Variants in ASIC2 observed in about 807,000 individuals in gnomAD.
ASIC2 encodes acid sensing ion channel subunit 2.
Under a neutral mutation model 57.3 loss-of-function variants are expected in ASIC2, and 25 were observed. The ratio of observed to expected loss-of-function variants is 0.44; its 90% CI spans 0.32 to 0.61. ASIC2 has a LOEUF of 0.61. ASIC2 is among the 20% of genes least tolerant of loss of function. The probability of loss-of-function intolerance (pLI) is 0.06; values close to 1 mark genes in which losing one functional copy is unlikely to be tolerated. For synonymous variants in ASIC2, 319 were observed against 307.5 expected, an observed-to-expected ratio of 1.04 and a Z score of -0.39; for missense variants, 641 against 738.1, an observed-to-expected ratio of 0.87 and a Z score of 1.52.
At chr17:33,857,751 T>A (rs536884898) in intron 1 of ASIC2, among the ~76,000 whole-genome samples, 1 of 152,322 alleles carries the variant, frequency 6.6e-6, no homozygotes, top group East Asian at 1.9e-4. Context: ...CAATAATCTA[T>A]CCTCTGTGAT....
intron 1 of ASIC2, among the ~76,000 whole-genome samples, chr17:33,769,162 G>A (rs1432538716): frequency 6.6e-6 from 1 of 152,226 alleles, no homozygotes; most frequent in African/African-American, 2.4e-5. Flanking sequence ...CATGTGATGG[G>A]ACCAGGGGCC....
At chr17:33,830,971 A>G (rs10468593) in intron 1 of ASIC2, among the ~76,000 whole-genome samples, 120,293 of 151,396 alleles carry the variant, frequency 0.79, 48,149 homozygotes, top group African/African-American at 0.85. Context: ...TTAGCAAGGC[A>G]TGATGGCATG....
chr17:34,031,528 T>C (rs1907611442), intron 1 of ASIC2, among the ~76,000 whole-genome samples: 1 of 151,928 alleles, frequency 6.6e-6, no homozygotes, highest in Non-Finnish European at 1.5e-5. Flanking sequence ...CTTTGACGAG[T>C]TGAGAGAAGA....
intron 1 of ASIC2, among the ~76,000 whole-genome samples, chr17:33,536,108 T>C (rs1205955009): frequency 6.6e-6 from 1 of 152,244 alleles, no homozygotes; most frequent in Non-Finnish European, 1.5e-5. Flanking sequence ...AGTGTGTTGG[T>C]ATTTTTTTCC....
intron 1 of ASIC2, among the ~76,000 whole-genome samples, chr17:33,340,882 C>A (rs554554299): frequency 6.6e-6 from 1 of 152,204 alleles, no homozygotes; most frequent in Admixed American, 6.5e-5. Flanking sequence ...TAGGGAGGAA[C>A]TCACTCTCAG....
chr17:33,771,487 T>G (rs1437049131), intron 1 of ASIC2, among the ~76,000 whole-genome samples: 1 of 152,206 alleles, frequency 6.6e-6, no homozygotes, highest in Non-Finnish European at 1.5e-5. Context: ...TGCTGTTTTT[T>G]AAGCCTGTGC....
chr17:33,407,468 A>G (rs1479705476), intron 1 of ASIC2, among the ~76,000 whole-genome samples: 1 of 152,176 alleles, frequency 6.6e-6, no homozygotes, highest in African/African-American at 2.4e-5. Flanking sequence ...TTCAAGTGCT[A>G]TATTTTCTTC....
At chr17:33,473,627 G>C (rs898498736) in intron 1 of ASIC2, among the ~76,000 whole-genome samples, 1 of 152,192 alleles carries the variant, frequency 6.6e-6, no homozygotes, top group Non-Finnish European at 1.5e-5. Flanking sequence ...TGCTGGGCAA[G>C]TTACTGAATC....
intron 1 of ASIC2, among the ~76,000 whole-genome samples, chr17:33,798,002 G>A (rs1275692827): frequency 6.6e-6 from 1 of 152,202 alleles, no homozygotes; most frequent in Non-Finnish European, 1.5e-5. Flanking sequence ...GTGGGGAGAG[G>A]TGATGGCAGA....
chr17:33,447,675 A>C (rs1435175717), intron 1 of ASIC2, among the ~76,000 whole-genome samples: 1 of 152,186 alleles, frequency 6.6e-6, no homozygotes, highest in African/African-American at 2.4e-5. Context: ...GATAGCTTCA[A>C]GAGAGATACA....
chr17:33,617,561 C>T (rs1905647129), intron 1 of ASIC2, among the ~76,000 whole-genome samples: 1 of 152,156 alleles, frequency 6.6e-6, no homozygotes, highest in Non-Finnish European at 1.5e-5. Flanking sequence ...TGCTTACTAC[C>T]TGGATGACAA....
intron 1 of ASIC2, among the ~76,000 whole-genome samples, chr17:33,721,845 C>G (rs1192799198): frequency 6.6e-6 from 1 of 152,172 alleles, no homozygotes; most frequent in Non-Finnish European, 1.5e-5. Flanking sequence ...AAGGTCAGCT[C>G]ATGCTTGGCA....
In ASIC2 at chr17:33,611,854, T is replaced by G. The variant is rs184846379; in HGVS notation, c.556-499787A>C. On this transcript the variant is annotated intron_variant, in intron 1 of 9. Transcript: ENST00000359872. Reference sequence around the variant, plus strand: ...GGAAGTGGTGCAAAGTAGCAAAAGGTGTATTAGTTTGAGTTCTTACTATAA... The same window carrying G: ...GGAAGTGGTGCAAAGTAGCAAAAGGGGTATTAGTTTGAGTTCTTACTATAA... Among the ~76,000 whole-genome samples the G allele has an allele frequency of 1.6e-3, 239 of 152,198 alleles. 1 individual carries two copies. The highest frequency in any genetic ancestry group is 5.3e-3 in the African/African-American group (221 of 41,522).
intron 1 of ASIC2, among the ~76,000 whole-genome samples, chr17:33,566,799 C>G (rs1433037666): frequency 6.6e-6 from 1 of 152,222 alleles, no homozygotes; most frequent in East Asian, 1.9e-4. Context: ...GCATGACACA[C>G]AGGGCCCTCC....
chr17:33,185,757 G>T (rs995444589), intron 1 of ASIC2, among the ~76,000 whole-genome samples: 1 of 152,182 alleles, frequency 6.6e-6, no homozygotes, highest in African/African-American at 2.4e-5. Context: ...CGAGGGAAGA[G>T]CCACTGTAGG....
intron 1 of ASIC2, among the ~76,000 whole-genome samples, chr17:34,100,577 C>CT (rs1240232589): frequency 3.9e-5 from 6 of 151,998 alleles, no homozygotes; most frequent in Non-Finnish European, 7.4e-5. Context: ...TGGCTGAGAG[C>CT]TTTGAAGAGA....
intron 1 of ASIC2, among the ~76,000 whole-genome samples, chr17:33,813,965 T>C (rs1019311442): frequency 3.9e-5 from 6 of 152,088 alleles, no homozygotes; most frequent in African/African-American, 1.4e-4. Context: ...GGACATTCTC[T>C]TGGTCTCCTT....
At chr17:34,052,240 GC>G (rs1256058895) in intron 1 of ASIC2, among the ~76,000 whole-genome samples, 1 of 152,098 alleles carries the variant, frequency 6.6e-6, no homozygotes, top group Non-Finnish European at 1.5e-5. Flanking sequence ...AGACCTTATT[GC>G]CCCTGAGCCA....
chr17:33,824,388 A>G (rs565277442), intron 1 of ASIC2, among the ~76,000 whole-genome samples: 1 of 152,010 alleles, frequency 6.6e-6, no homozygotes, highest in Non-Finnish European at 1.5e-5. Context: ...GTATATATGT[A>G]TGTATATAAT....
Sources: gnomAD v4.1 joint callset for allele counts (sites outside exome capture counted in the v4.1 genomes callset) on GRCh38, gnomAD v4.1.1 for gene constraint, MANE v1.5 for transcripts, NCBI Gene and HGNC (gene_info 2026-07-23, HGNC 2026-07-21) for gene names.